The following ABL2 variants were observed in gnomAD, a reference collection of about 807,000 sequenced individuals.
The protein encoded by ABL2 is tyrosine-protein kinase ABL2.
In ABL2, 49 loss-of-function variants were observed where a neutral mutation model predicts 107.7. The ratio of observed to expected loss-of-function variants is 0.45; its 90% confidence interval spans 0.36 to 0.58. The LOEUF is 0.58. Among genes scored for constraint, ABL2 ranks in the 20% least tolerant of loss-of-function variants. ABL2 has a pLI of 0.00. For missense variants in ABL2, 1,245 were observed against 1,457.0 expected (o/e 0.85, Z 2.37); for synonymous variants, 549 against 548.6 (o/e 1.00, Z -0.01).
At chr1:179,194,129 A>G (rs1164998308) in intron 1 of ABL2, among the ~76,000 whole-genome samples, 2 of 152,198 alleles carry the variant, frequency 1.3e-5, no homozygotes, top group African/African-American at 4.8e-5. Flanking sequence ...CATGGTCAAA[A>G]CAGAGTTAAC....
intron 1 of ABL2, among the ~76,000 whole-genome samples, chr1:179,226,622 TTAA>T (rs1362049756): frequency 6.6e-6 from 1 of 152,166 alleles, no homozygotes; most frequent in Non-Finnish European, 1.5e-5. Flanking sequence ...ACTCCTGTTT[TTAA>T]TAATAACAGT....
intron 1 of ABL2, among the ~76,000 whole-genome samples, chr1:179,150,044 C>A (rs183855175): frequency 6.6e-6 from 1 of 152,128 alleles, no homozygotes; most frequent in East Asian, 1.9e-4. Context: ...CCAGCTTGGG[C>A]AACATAGTGA....
intron 1 of ABL2, chr1:179,201,846 A>G: frequency 7.8e-7 from 1 of 1,285,754 alleles, no homozygotes; most frequent in South Asian, 1.4e-5. Context: ...AGAAGAAGAC[A>G]AAAGGACTCT....
At chr1:179,224,782 G>A (rs1056036202) in intron 1 of ABL2, among the ~76,000 whole-genome samples, 4 of 150,840 alleles carry the variant, frequency 2.7e-5, no homozygotes, top group Admixed American at 6.6e-5. Context: ...TTGGGAGGCC[G>A]AGGCAGAGTA....
intron 1 of ABL2, among the ~76,000 whole-genome samples, chr1:179,216,664 T>C (rs1262583237): frequency 1.3e-5 from 2 of 152,138 alleles, no homozygotes; most frequent in South Asian, 4.1e-4. Context: ...AAAAGGTCTT[T>C]ATAAGTTGCA....
intron 8 of ABL2, 193 bp downstream of exon 8, chr1:179,117,139 C>T (rs977152759): frequency 1.1e-5 from 7 of 635,658 alleles, no homozygotes; most frequent in Non-Finnish European, 1.3e-5. Context: ...CAGGCCTATA[C>T]TTCTGTTTAT....
chr1:179,189,423 C>A (rs1660871696), intron 1 of ABL2, among the ~76,000 whole-genome samples: 1 of 152,122 alleles, frequency 6.6e-6, no homozygotes, highest in African/African-American at 2.4e-5. Context: ...CATGAGCCAC[C>A]GCGCCCTGCC....
chr1:179,229,210 C>CCCCCCCCCCCCAGG, intron 1 of ABL2, 31 bp downstream of exon 1: 1 of 1,489,014 alleles, frequency 6.7e-7, no homozygotes, highest in Non-Finnish European at 9.0e-7. Flanking sequence ...GCCTCCCCCA[C>CCCCCCCCCCCCAGG]GCTCTCATGC....
intron 2 of ABL2, among the ~76,000 whole-genome samples, chr1:179,133,001 G>C (rs1366139714): frequency 6.6e-6 from 1 of 151,878 alleles, no homozygotes; most frequent in South Asian, 2.1e-4. Context: ...TGGGATTACA[G>C]GTGCACGCCA....
chr1:179,129,498 T>A (rs2486996), intron 3 of ABL2, among the ~76,000 whole-genome samples: 27 of 152,104 alleles, frequency 1.8e-4, no homozygotes, highest in Admixed American at 1.6e-3. Flanking sequence ...CTGACCAACA[T>A]GGGTGAAACC....
chr1:179,224,716 A>C (rs1372887828), intron 1 of ABL2, among the ~76,000 whole-genome samples: 2 of 151,750 alleles, frequency 1.3e-5, no homozygotes, highest in East Asian at 3.9e-4. Context: ...CTCACCAGAA[A>C]GGTTTAATAG....
rs573297368 is a variant in ABL2, at chr1:179,100,557, A to C, written c.*7161T>G. On this transcript the variant is annotated 3_prime_UTR_variant, in exon 12 of 12. Coordinates refer to ENST00000502732, the MANE Select transcript of ABL2 (RefSeq NM_007314.4). ...AAATTTAAGCAAGTTCTGACTACAC[A>C]AACTCCTTATGTTTCCTTTCATAAA... 3.1e-5 allele frequency: 7 copies of C among 229,420 alleles called. No individual in the cohort carries two copies. Among genetic ancestry groups the C allele is most frequent in the Middle Eastern group, 1.3e-3 (1 of 758 alleles). The allele number at this position is 229,420 out of a possible 1,614,324, so 14.2% of individuals were successfully genotyped here.
At chr1:179,122,027 G>A (rs1034551064) in intron 4 of ABL2, among the ~76,000 whole-genome samples, 160 bp from the exon 5 acceptor site, 1 of 135,554 alleles carries the variant, frequency 7.4e-6, no homozygotes, top group South Asian at 2.3e-4. Flanking sequence ...CCGGGTTCAC[G>A]CCATTCTCCT....
chr1:179,229,490 C>A lies in ABL2; in HGVS notation c.-93G>T, dbSNP rs1663432707. 6.0e-6 allele frequency: 8 copies of A among 1,325,482 alleles called. No homozygotes were observed. Among genetic ancestry groups the A allele is most frequent in the Non-Finnish European group, 7.8e-6 (8 of 1,023,932 alleles). The allele number at this position is 1,325,482 out of a possible 1,614,324, so 82.1% of individuals were successfully genotyped here. On this transcript the variant is annotated 5_prime_UTR_variant, in exon 1 of 12. Transcript: ENST00000502732. Reference sequence around the variant, plus strand: ...GGCTCCTGGCGCTGCTCCGGTCTCTCCCTCCCAGCCCAGGCCCTGGCCCTG... The same window carrying A: ...GGCTCCTGGCGCTGCTCCGGTCTCTACCTCCCAGCCCAGGCCCTGGCCCTG...
intron 1 of ABL2, among the ~76,000 whole-genome samples, chr1:179,134,576 C>G (rs977405286): frequency 6.6e-6 from 1 of 152,134 alleles, no homozygotes. Context: ...CCTATACTTA[C>G]AGTAGGAAAC....
intron 1 of ABL2, among the ~76,000 whole-genome samples, chr1:179,228,504 T>C (rs1481372213): frequency 6.6e-6 from 1 of 152,104 alleles, no homozygotes; most frequent in Non-Finnish European, 1.5e-5. Context: ...ACGCACACAC[T>C]ACAAAGGAAA....
intron 1 of ABL2, among the ~76,000 whole-genome samples, chr1:179,191,144 G>C (rs954375946): frequency 6.6e-6 from 1 of 152,256 alleles, no homozygotes; most frequent in East Asian, 1.9e-4. Context: ...AGAAAACCCA[G>C]AATGATGACA....
chr1:179,164,548 A>G (rs1188150388), intron 1 of ABL2, among the ~76,000 whole-genome samples: 1 of 152,092 alleles, frequency 6.6e-6, no homozygotes, highest in Non-Finnish European at 1.5e-5. Context: ...TAAGGGATGA[A>G]AGGAATGTGC....
chr1:179,208,340 C>T (rs1229147349), intron 1 of ABL2, among the ~76,000 whole-genome samples: 1 of 151,424 alleles, frequency 6.6e-6, no homozygotes, highest in Non-Finnish European at 1.5e-5. Context: ...GTCTATTATT[C>T]CCACCTTTAT....
Sources: gnomAD v4.1 joint callset for allele counts (sites outside exome capture counted in the v4.1 genomes callset) on GRCh38, gnomAD v4.1.1 for gene constraint, MANE v1.5 for transcripts, NCBI Gene and HGNC (gene_info 2026-07-23, HGNC 2026-07-21) for gene names.